Variants in PPM1A observed in about 807,000 individuals in gnomAD.
The protein encoded by PPM1A is protein phosphatase, Mg2+/Mn2+ dependent 1A, also known as protein phosphatase 1A.
Under a neutral mutation model 35.0 loss-of-function variants are expected in PPM1A, and 7 were observed. That is an observed-to-expected ratio of 0.20 (90% CI 0.11 to 0.38). The LOEUF (loss-of-function observed/expected upper bound fraction) is 0.38. Among genes scored for constraint, PPM1A ranks in the 10% least tolerant of loss-of-function variants. The probability of loss-of-function intolerance (pLI) is 1.00; values close to 1 mark genes in which losing one functional copy is unlikely to be tolerated. For missense variants in PPM1A, 239 were observed against 467.8 expected (o/e 0.51, Z 4.51); for synonymous variants, 153 against 167.3 (o/e 0.91, Z 0.66).
chr14:60,285,600 A>T (rs747733015), intron 2 of PPM1A, 24 bp from the exon 3 acceptor site: 14 of 1,610,438 alleles, frequency 8.7e-6, no homozygotes, highest in Non-Finnish European at 1.2e-5. Context: ...AAACTAAAAT[A>T]TTCTCAAATT....
chr14:60,257,033 T>A (rs1307825033), intron 1 of PPM1A, among the ~76,000 whole-genome samples: 1 of 152,166 alleles, frequency 6.6e-6, no homozygotes, highest in African/African-American at 2.4e-5. Flanking sequence ...CCTTTAGAAA[T>A]TTTCCCCAAG....
chr14:60,263,174 C>T (rs1328931180), intron 1 of PPM1A, among the ~76,000 whole-genome samples: 2 of 151,906 alleles, frequency 1.3e-5, no homozygotes, highest in African/African-American at 4.8e-5. Context: ...GCCAAGATGG[C>T]ACCACTGCTC....
In PPM1A at chr14:60,296,784, C is replaced by T; in HGVS notation, c.*4302C>T. ...AGTCTCAGTTAAATGTTTGTTATTA[C>T]TGATAGTCAAAATGCTCAATAGAAA... is the stretch of plus-strand genomic sequence containing the variant. On this transcript the variant is annotated 3_prime_UTR_variant, in exon 6 of 6. Transcript: ENST00000395076. The surrounding 1 kb of genome is among the most constrained non-coding windows in gnomAD (Gnocchi z 4.4). 3.0e-6 allele frequency: 1 copy of T among 333,448 alleles called. No homozygotes were observed. Among genetic ancestry groups the T allele is most frequent in the East Asian group, 3.9e-5 (1 of 25,484 alleles). 20.7% of individuals were successfully genotyped at this position (333,448 alleles called of 1,614,324 possible).
rs1397464944 is a variant in PPM1A, at chr14:60,285,678, G to T, written c.889G>T (p.Val297Leu). 4 of 1,613,918 alleles carry T rather than the reference G, an allele frequency of 2.5e-6. No individual in the cohort carries two copies. The African/African-American group carries it at 5.3e-5, about 22-fold the overall frequency. Residue 297 changes from valine (V) to leucine (L), a missense_variant, in exon 3 of 6, where the codon GTA becomes TTA. Around this residue, in one of 2 missense-constraint regions of PPM1A, gnomAD observed 175 missense variants for 389.2 expected, o/e 0.45. Coordinates refer to ENST00000395076, the MANE Select transcript of PPM1A (RefSeq NM_021003.5). ...GATCTGTTTTCCAAATGCACCCAAA[G>T]TATCGCCAGAAGCAGTGAAGAAGGA... ...ILICFPNAPK[V>L]SPEAVKKEAE...
intron 4 of PPM1A, among the ~76,000 whole-genome samples, chr14:60,291,165 T>C (rs1887591200): frequency 1.3e-5 from 2 of 152,104 alleles, no homozygotes; most frequent in Non-Finnish European, 2.9e-5. Context: ...TAGCCTTCTA[T>C]TAACTGGGTT....
chr14:60,290,054 A>G, intron 4 of PPM1A, 140 bp downstream of exon 4: 1 of 556,358 alleles, frequency 1.8e-6, no homozygotes, highest in Admixed American at 3.9e-5. Context: ...ATTTTTTTTT[A>G]GTATTAGAAT....
intron 1 of PPM1A, among the ~76,000 whole-genome samples, chr14:60,279,853 G>C (rs1328022244): frequency 6.6e-6 from 1 of 152,102 alleles, no homozygotes; most frequent in African/African-American, 2.4e-5. Flanking sequence ...GTGATTGACT[G>C]CCTCCTCTGG....
chr14:60,261,435 C>T (rs1311400135), intron 1 of PPM1A, among the ~76,000 whole-genome samples: 1 of 152,030 alleles, frequency 6.6e-6, no homozygotes, highest in East Asian at 1.9e-4. Flanking sequence ...CAAAGGATAG[C>T]CCCCTTTTTT....
chr14:60,297,960 T>C lies in PPM1A; in HGVS notation c.*5478T>C, dbSNP rs1888183179. The C allele has an allele frequency of 1.3e-5, 2 of 151,840 alleles. No homozygotes were observed. The highest frequency in any genetic ancestry group is 1.9e-4 in the East Asian group (1 of 5,180). The allele number at this position is 151,840 out of a possible 1,614,324, so 9.4% of individuals were successfully genotyped here. A position where few individuals can be genotyped will look rare whatever the true frequency, so the allele number is the denominator to read the frequency against. On this transcript the variant is annotated 3_prime_UTR_variant, in exon 6 of 6. Coordinates refer to ENST00000395076, the MANE Select transcript of PPM1A (RefSeq NM_021003.5). ...CCTTTTCCTGCAAAGCCCAAAAGTATATTTCTAGGGCATGAAAATAACTTG... is the reference window on the plus strand; with the variant it reads ...CCTTTTCCTGCAAAGCCCAAAAGTACATTTCTAGGGCATGAAAATAACTTG...
rs566483793 is a variant in PPM1A, at chr14:60,269,693, C to T, written c.-20-12991C>T. Among the ~76,000 whole-genome samples, 80 of 152,110 alleles carry T rather than the reference C, an allele frequency of 5.3e-4. 1 individual carries two copies. In the Middle Eastern group the frequency reaches 0.02, roughly 39 times the overall value. ...CCTCCCGAGTAGCTGGGATTACAGG[C>T]GTGCGTTATTATGCCCGGCTAATTT... is the stretch of plus-strand genomic sequence containing the variant. On this transcript the variant is annotated intron_variant, in intron 1 of 5. Transcript: ENST00000395076.
At chr14:60,275,594 C>G (rs112107738) in intron 1 of PPM1A, among the ~76,000 whole-genome samples, 1 of 152,116 alleles carries the variant, frequency 6.6e-6, no homozygotes, top group South Asian at 2.1e-4. Flanking sequence ...CCAAGCAGTC[C>G]TCCTTCCTCA....
chr14:60,267,558 A>G (rs1163080499), intron 1 of PPM1A, among the ~76,000 whole-genome samples: 1 of 152,066 alleles, frequency 6.6e-6, no homozygotes, highest in African/African-American at 2.4e-5. Context: ...TAGAAGGATT[A>G]TGATAGGTTT....
chr14:60,290,012 TG>T, intron 4 of PPM1A, 98 bp downstream of exon 4: 1 of 776,756 alleles, frequency 1.3e-6, no homozygotes, highest in Non-Finnish European at 2.0e-6. Context: ...TCTGAACTGA[TG>T]CAGTTATCTG....
intron 2 of PPM1A, among the ~76,000 whole-genome samples, chr14:60,284,412 T>C (rs8019092): frequency 0.33 from 50,081 of 151,774 alleles, 8,606 homozygotes; most frequent in South Asian, 0.44. Context: ...GAGGCCGAGG[T>C]GGGCGGATCA....
chr14:60,249,138 G>A, upstream of PPM1A: 1 of 778,614 alleles, frequency 1.3e-6, no homozygotes, highest in Non-Finnish European at 1.6e-6. The surrounding 1 kb of genome is among the most constrained non-coding windows in gnomAD (Gnocchi z 4.5). Flanking sequence ...AGCTGTAGCG[G>A]CGGCGGAGCC....
chr14:60,290,337 A>G (rs1055626164), intron 4 of PPM1A, among the ~76,000 whole-genome samples: 12 of 152,154 alleles, frequency 7.9e-5, no homozygotes, highest in East Asian at 1.9e-4. Context: ...CCATGTTTCT[A>G]TGCCTGATTT....
chr14:60,249,152 G>A, upstream of PPM1A: 1 of 874,696 alleles, frequency 1.1e-6, no homozygotes, highest in Non-Finnish European at 1.4e-6. This position sits in a 1 kb window ranked among gnomAD's most constrained non-coding sequence, Gnocchi z 4.5. Flanking sequence ...CGGAGCCAGC[G>A]GGGCGGGGCG....
intron 1 of PPM1A, among the ~76,000 whole-genome samples, chr14:60,276,031 A>T (rs1026869297): frequency 2.0e-5 from 3 of 152,162 alleles, no homozygotes; most frequent in African/African-American, 7.2e-5. Context: ...TGTAGCTGCA[A>T]GGGTTAGCAT....
At chr14:60,265,725 A>T (rs953893743) in intron 1 of PPM1A, among the ~76,000 whole-genome samples, 1 of 152,120 alleles carries the variant, frequency 6.6e-6, no homozygotes, top group Non-Finnish European at 1.5e-5. Flanking sequence ...GCGTCTGGTG[A>T]GGGCCTTCTT....
Sources: allele counts gnomAD v4.1 joint callset (sites outside exome capture counted in the v4.1 genomes callset), GRCh38; gene constraint gnomAD v4.1.1; regional missense constraint gnomAD v4.1.1; non-coding constraint Gnocchi (gnomAD v3.1); transcripts MANE v1.5; gene names NCBI Gene and HGNC (gene_info 2026-07-23, HGNC 2026-07-21).